GALNT13: variants seen among roughly 807,000 people sequenced by gnomAD.
GALNT13 encodes polypeptide N-acetylgalactosaminyltransferase 13.
Under a neutral mutation model 64.2 loss-of-function variants are expected in GALNT13, and 28 were observed. The observed-to-expected ratio is 0.44, with a 90% CI of 0.32 to 0.60. GALNT13 has a LOEUF of 0.60. GALNT13 is among the 20% of genes least tolerant of loss of function. The pLI, the probability that GALNT13 is intolerant of heterozygous loss-of-function variation, is 0.05. For synonymous variants in GALNT13, 214 were observed against 224.6 expected (o/e 0.95, Z 0.42); for missense variants, 577 against 669.8 (o/e 0.86, Z 1.53).
chr2:153,321,225 A>C, the GALNT13 span, among the ~76,000 whole-genome samples: 1 of 152,256 alleles, frequency 6.6e-6, no homozygotes, highest in Non-Finnish European at 1.5e-5. Flanking sequence ...ATCACAAATG[A>C]ACAATGTCCA....
intron 3 of GALNT13, among the ~76,000 whole-genome samples, chr2:154,047,552 A>T (rs1041431543): frequency 4.6e-5 from 7 of 152,192 alleles, no homozygotes; most frequent in Non-Finnish European, 8.8e-5. Flanking sequence ...TCTGTAGAAC[A>T]AGAGTAATAA....
chr2:153,945,791 T>C (rs1691693493), intron 3 of GALNT13, among the ~76,000 whole-genome samples: 8 of 152,168 alleles, frequency 5.3e-5, no homozygotes, highest in Admixed American at 5.2e-4. Flanking sequence ...ACTTTAGACA[T>C]GTTGAGTTTG....
chr2:154,216,370 A>G (rs866034411), intron 4 of GALNT13, among the ~76,000 whole-genome samples: 3 of 152,144 alleles, frequency 2.0e-5, no homozygotes, highest in African/African-American at 7.2e-5. Flanking sequence ...TATATACATC[A>G]TTCTCTACAA....
the GALNT13 span, among the ~76,000 whole-genome samples, chr2:153,130,672 G>A: frequency 2.6e-5 from 4 of 152,116 alleles, no homozygotes; most frequent in Non-Finnish European, 5.9e-5. Flanking sequence ...TTCACATGGA[G>A]CATGGTGAGC....
At chr2:154,014,511 G>C (rs1416166737) in intron 3 of GALNT13, among the ~76,000 whole-genome samples, 1 of 150,888 alleles carries the variant, frequency 6.6e-6, no homozygotes, top group Non-Finnish European at 1.5e-5. Context: ...CTGAAGGTCT[G>C]CTTGAAGTGT....
At chr2:153,669,679 G>A in the GALNT13 span, among the ~76,000 whole-genome samples, 6 of 152,142 alleles carry the variant, frequency 3.9e-5, no homozygotes, top group Admixed American at 3.9e-4. Flanking sequence ...GGACTAGTGG[G>A]TGCAGCTCAC....
the GALNT13 span, among the ~76,000 whole-genome samples, chr2:153,726,957 CAA>C: frequency 6.9e-5 from 9 of 131,126 alleles, no homozygotes; most frequent in Non-Finnish European, 1.5e-4. Flanking sequence ...AAAAAAAAAA[CAA>C]AAAAAAAACC....
At chr2:154,209,212 C>T (rs1021687826) in intron 4 of GALNT13, among the ~76,000 whole-genome samples, 2 of 151,980 alleles carry the variant, frequency 1.3e-5, no homozygotes, top group Admixed American at 1.3e-4. Context: ...ATGAGAATAT[C>T]CAAATCCTTC....
chr2:153,385,442 C>A, the GALNT13 span, among the ~76,000 whole-genome samples: 3 of 152,108 alleles, frequency 2.0e-5, no homozygotes, highest in East Asian at 5.8e-4. Context: ...CACAGAAAGA[C>A]AAACATCACA....
the GALNT13 span, among the ~76,000 whole-genome samples, chr2:153,540,282 A>G: frequency 6.6e-6 from 1 of 152,162 alleles, no homozygotes. Flanking sequence ...CAGCTTCCAT[A>G]TGGTATTGGT....
chr2:153,994,181 C>G (rs1345809142), intron 3 of GALNT13, among the ~76,000 whole-genome samples: 2 of 152,010 alleles, frequency 1.3e-5, no homozygotes, highest in Non-Finnish European at 1.5e-5. Context: ...TTTTTTTGTC[C>G]TTGCGATAGT....
At chr2:153,158,534 ATCT>A in the GALNT13 span, among the ~76,000 whole-genome samples, 1 of 152,136 alleles carries the variant, frequency 6.6e-6, no homozygotes, top group Non-Finnish European at 1.5e-5. Context: ...TGTCAATAAC[ATCT>A]TACGAGAGGA....
At chr2:153,452,774 T>C in the GALNT13 span, among the ~76,000 whole-genome samples, 1 of 152,036 alleles carries the variant, frequency 6.6e-6, no homozygotes, top group Admixed American at 6.6e-5. Flanking sequence ...AGAAAAACTA[T>C]TCTAAAATTT....
the GALNT13 span, among the ~76,000 whole-genome samples, chr2:153,753,636 T>A: frequency 6.6e-6 from 1 of 151,932 alleles, no homozygotes; most frequent in Non-Finnish European, 1.5e-5. Flanking sequence ...ACCTGGGGGG[T>A]GGAATGACAC....
intron 3 of GALNT13, among the ~76,000 whole-genome samples, chr2:154,130,240 C>A (rs1486768168): frequency 3.3e-5 from 5 of 152,064 alleles, no homozygotes; most frequent in Non-Finnish European, 7.4e-5. Context: ...TGACCTCATT[C>A]ATCTTCTGTC....
At chr2:153,789,510 G>A in the GALNT13 span, among the ~76,000 whole-genome samples, 1 of 151,906 alleles carries the variant, frequency 6.6e-6, no homozygotes, top group South Asian at 2.1e-4. Context: ...CAAATTAACA[G>A]CCTAATATCA....
chr2:153,406,733 A>T, the GALNT13 span, among the ~76,000 whole-genome samples: 1 of 152,230 alleles, frequency 6.6e-6, no homozygotes, highest in South Asian at 2.1e-4. Context: ...CATTTTAAAC[A>T]GCATTTACAA....
At chr2:153,542,323 A>AAAACAAAC in the GALNT13 span, among the ~76,000 whole-genome samples, 1 of 124,404 alleles carries the variant, frequency 8.0e-6, no homozygotes, top group African/African-American at 3.6e-5. Flanking sequence ...TCCATCTCAA[A>AAAACAAAC]AAACAAACAA....
chr2:153,456,211 T>A, the GALNT13 span, among the ~76,000 whole-genome samples: 1 of 152,160 alleles, frequency 6.6e-6, no homozygotes, highest in Non-Finnish European at 1.5e-5. Context: ...TTTCAGGCTT[T>A]TTGGCTTGAG....
Sources: allele counts gnomAD v4.1 joint callset (sites outside exome capture counted in the v4.1 genomes callset), GRCh38; gene constraint gnomAD v4.1.1; transcripts MANE v1.5; gene names NCBI Gene and HGNC (gene_info 2026-07-23, HGNC 2026-07-21).